CAMK2D: variants seen among roughly 807,000 people sequenced by gnomAD.
The protein encoded by CAMK2D is calcium/calmodulin dependent protein kinase II delta, also known as calcium/calmodulin-dependent protein kinase type II subunit delta.
In CAMK2D, 37 loss-of-function variants were observed where a neutral mutation model predicts 84.0. The ratio of observed to expected loss-of-function variants is 0.44; its 90% CI spans 0.34 to 0.58. The LOEUF is 0.58. Ranked by LOEUF, CAMK2D falls within the 20% of genes least tolerant of loss-of-function variation. The pLI is 0.02. For synonymous variants in CAMK2D, 202 were observed against 212.5 expected (o/e 0.95, Z 0.43); for missense variants, 448 against 652.5 (o/e 0.69, Z 3.41).
intron 3 of CAMK2D, among the ~76,000 whole-genome samples, chr4:113,657,562 T>C (rs1036479312): frequency 6.6e-6 from 1 of 152,158 alleles, no homozygotes; most frequent in Admixed American, 6.5e-5. Flanking sequence ...AAATCAAATA[T>C]TAAAAGTTGA....
intron 4 of CAMK2D, among the ~76,000 whole-genome samples, chr4:113,582,756 T>G (rs924320447): frequency 2.0e-5 from 3 of 152,200 alleles, no homozygotes; most frequent in African/African-American, 7.2e-5. Context: ...GTATAAGGGC[T>G]CAGGTGAAGC....
intron 7 of CAMK2D, among the ~76,000 whole-genome samples, chr4:113,534,980 T>A (rs2098479973): frequency 6.6e-6 from 1 of 152,152 alleles, no homozygotes; most frequent in African/African-American, 2.4e-5. Flanking sequence ...GCAGAGGAGA[T>A]AAAACATTAA....
intron 4 of CAMK2D, among the ~76,000 whole-genome samples, chr4:113,571,212 A>G (rs1014378834): frequency 2.6e-5 from 4 of 152,230 alleles, no homozygotes; most frequent in Non-Finnish European, 5.9e-5. Context: ...TACTACAGCC[A>G]TTATGGAAAA....
intron 16 of CAMK2D, among the ~76,000 whole-genome samples, chr4:113,484,151 T>C (rs1355438430): frequency 6.6e-6 from 1 of 152,180 alleles, no homozygotes; most frequent in African/African-American, 2.4e-5. Context: ...AAACTTCCCT[T>C]TCTTACCCAC....
chr4:113,498,776 C>A (rs2097982488), intron 16 of CAMK2D, among the ~76,000 whole-genome samples: 1 of 152,064 alleles, frequency 6.6e-6, no homozygotes, highest in Admixed American at 6.6e-5. Context: ...TTACAAACTA[C>A]AAGGTAACAC....
chr4:113,523,167 T>C (rs1228719710), intron 8 of CAMK2D, among the ~76,000 whole-genome samples: 1 of 152,164 alleles, frequency 6.6e-6, no homozygotes, highest in African/African-American at 2.4e-5. Flanking sequence ...GAAAGAAATT[T>C]CGTTGTTTAT....
intron 4 of CAMK2D, among the ~76,000 whole-genome samples, chr4:113,588,226 A>T (rs2098842973): frequency 6.6e-6 from 1 of 152,214 alleles, no homozygotes; most frequent in Non-Finnish European, 1.5e-5. Flanking sequence ...TATAGCCATT[A>T]GTATCAGGCT....
At chr4:113,470,205 C>T (rs951747858) in intron 16 of CAMK2D, among the ~76,000 whole-genome samples, 1 of 152,112 alleles carries the variant, frequency 6.6e-6, no homozygotes, top group East Asian at 1.9e-4. Context: ...ACTCTTGCTC[C>T]TTTGTTTTAC....
intron 16 of CAMK2D, among the ~76,000 whole-genome samples, chr4:113,498,312 C>G (rs1160209783): frequency 1.3e-5 from 2 of 152,202 alleles, no homozygotes; most frequent in African/African-American, 4.8e-5. Flanking sequence ...TTATCTACCA[C>G]TTGTCCCAGT....
intron 5 of CAMK2D, among the ~76,000 whole-genome samples, chr4:113,549,302 A>G (rs2098606790): frequency 6.6e-6 from 1 of 152,218 alleles, no homozygotes; most frequent in Admixed American, 6.5e-5. Context: ...CCAACAATAA[A>G]GGGAGAATTT....
intron 2 of CAMK2D, among the ~76,000 whole-genome samples, chr4:113,696,205 C>G (rs998091119): frequency 7.0e-5 from 10 of 143,548 alleles, no homozygotes; most frequent in African/African-American, 1.2e-4. Context: ...GACACACACA[C>G]ACACACACAC....
At chr4:113,622,555 A>T (rs374047731) in intron 3 of CAMK2D, among the ~76,000 whole-genome samples, 2 of 148,934 alleles carry the variant, frequency 1.3e-5, no homozygotes, top group East Asian at 1.9e-4. Flanking sequence ...GCTTGAGCCC[A>T]GGAGTTCGAG....
intron 2 of CAMK2D, among the ~76,000 whole-genome samples, chr4:113,749,374 C>T (rs2099611947): frequency 7.1e-6 from 1 of 140,250 alleles, no homozygotes. Context: ...AATACAGAAA[C>T]AAGTACACTC....
At chr4:113,491,992 C>A (rs537903234) in intron 16 of CAMK2D, among the ~76,000 whole-genome samples, 4 of 152,212 alleles carry the variant, frequency 2.6e-5, no homozygotes, top group African/African-American at 9.6e-5. Context: ...GTGATATCCC[C>A]TTTATCATTT....
chr4:113,675,028 C>T (rs2099312589), intron 2 of CAMK2D, among the ~76,000 whole-genome samples: 1 of 152,168 alleles, frequency 6.6e-6, no homozygotes, highest in Admixed American at 6.5e-5. Flanking sequence ...TGCTAACATC[C>T]ATGCGTGCAT....
At chr4:113,535,652 T>C (rs2098484779) in intron 7 of CAMK2D, among the ~76,000 whole-genome samples, 1 of 152,156 alleles carries the variant, frequency 6.6e-6, no homozygotes, top group South Asian at 2.1e-4. Flanking sequence ...ATAGAAAAAA[T>C]AGTTTCATGC....
Position 113,520,420 on chromosome 4 carries a change from A to AAAAAT in CAMK2D, c.602-2768_602-2764dup, listed in dbSNP as rs540792727. 3.9e-3 allele frequency among the ~76,000 whole-genome samples: 594 copies of AAAAAT among 152,176 alleles called. 4 individuals carry two copies. Among genetic ancestry groups the AAAAAT allele is most frequent in the African/African-American group, 0.014 (561 of 41,524 alleles). On this transcript the variant is annotated intron_variant, in intron 8 of 20. Coordinates refer to ENST00000511664, the MANE Select transcript of CAMK2D (RefSeq NM_001321571.2). ...AGTCTTGTGACTCTGCCTCAAAAAT[A>AAAAAT]AAAATAAAATAAAATAAAATAAAAG...
At chr4:113,629,040 T>A (rs941953886) in intron 3 of CAMK2D, among the ~76,000 whole-genome samples, 5 of 151,508 alleles carry the variant, frequency 3.3e-5, no homozygotes, top group African/African-American at 7.3e-5. Flanking sequence ...CAGTAAAATA[T>A]ATATATATAT....
chr4:113,570,643 T>C (rs1009540640), intron 4 of CAMK2D, among the ~76,000 whole-genome samples: 3 of 152,090 alleles, frequency 2.0e-5, no homozygotes, highest in Non-Finnish European at 4.4e-5. Context: ...CATATAAAAA[T>C]CAACTCAAAA....
Sources: gnomAD v4.1 joint callset for allele counts (sites outside exome capture counted in the v4.1 genomes callset) on GRCh38, gnomAD v4.1.1 for gene constraint, MANE v1.5 for transcripts, NCBI Gene and HGNC (gene_info 2026-07-23, HGNC 2026-07-21) for gene names.